Variants in DLGAP2 observed in about 807,000 individuals in gnomAD.
The protein encoded by DLGAP2 is disks large-associated protein 2.
In DLGAP2, 26 loss-of-function variants were observed where a neutral mutation model predicts 100.3. The ratio of observed to expected loss-of-function variants is 0.26; its 90% confidence interval spans 0.19 to 0.36. The LOEUF is 0.36. Among genes scored for constraint, DLGAP2 ranks in the 10% least tolerant of loss-of-function variants. DLGAP2 has a pLI of 1.00. For missense variants in DLGAP2, 1,858 were observed against 1,453.2 expected, an observed-to-expected ratio of 1.28 and a Z score of -4.53; for synonymous variants, 886 against 630.1, an observed-to-expected ratio of 1.41 and a Z score of -6.08.
chr8:1,121,253 G>C (rs185083393), intron 2 of DLGAP2, among the ~76,000 whole-genome samples: 1 of 133,128 alleles, frequency 7.5e-6, no homozygotes, highest in South Asian at 2.5e-4. Flanking sequence ...ACCCATCCTC[G>C]TCCCTTCAGA....
At chr8:1,087,116 A>T (rs559570213) in intron 2 of DLGAP2, among the ~76,000 whole-genome samples, 1 of 152,366 alleles carries the variant, frequency 6.6e-6, no homozygotes, top group South Asian at 2.1e-4. Flanking sequence ...GAAAATTCAT[A>T]AATAGATAAA....
At chr8:1,292,692 G>A (rs1452958698) in intron 3 of DLGAP2, among the ~76,000 whole-genome samples, 4 of 152,118 alleles carry the variant, frequency 2.6e-5, no homozygotes, top group East Asian at 1.9e-4. Context: ...GAGAAAGGTC[G>A]CGTGGATGGG....
chr8:1,696,972 G>A (rs965481656), intron 13 of DLGAP2, among the ~76,000 whole-genome samples, 175 bp from the exon 14 acceptor site: 2 of 152,270 alleles, frequency 1.3e-5, no homozygotes, highest in African/African-American at 4.8e-5. Context: ...AAATACGTGT[G>A]CTAAAGTAAA....
At chr8:813,529 T>G (rs769628735) in intron 1 of DLGAP2, among the ~76,000 whole-genome samples, 4 of 152,170 alleles carry the variant, frequency 2.6e-5, no homozygotes, top group Non-Finnish European at 4.4e-5. Context: ...GTCTTAGATT[T>G]CTTCAAACCT....
chr8:869,553 C>T (rs1296803581), intron 1 of DLGAP2, among the ~76,000 whole-genome samples: 1 of 152,180 alleles, frequency 6.6e-6, no homozygotes, highest in South Asian at 2.1e-4. Flanking sequence ...TTTAAAAGCT[C>T]TCAAACATGG....
chr8:1,073,917 G>C (rs921416150), intron 2 of DLGAP2, among the ~76,000 whole-genome samples: 7 of 152,338 alleles, frequency 4.6e-5, no homozygotes, highest in Admixed American at 2.0e-4. Context: ...TGCGTATTCA[G>C]GATTCACTGT....
At chr8:1,620,951 C>G (rs1461644123) in intron 6 of DLGAP2, among the ~76,000 whole-genome samples, 1 of 152,244 alleles carries the variant, frequency 6.6e-6, no homozygotes, top group Admixed American at 6.5e-5. Context: ...TTACCCTCTG[C>G]TCTCCAGACA....
chr8:1,244,989 A>G (rs1483894932), intron 2 of DLGAP2, among the ~76,000 whole-genome samples: 1 of 152,236 alleles, frequency 6.6e-6, no homozygotes, highest in African/African-American at 2.4e-5. Context: ...GAAGGTGTGG[A>G]AAGACACTGG....
intron 2 of DLGAP2, among the ~76,000 whole-genome samples, chr8:973,682 A>T (rs997818907): frequency 5.9e-5 from 9 of 152,236 alleles, no homozygotes; most frequent in African/African-American, 2.2e-4. Context: ...TCTCAGTTCC[A>T]GCTCCTTTCT....
intron 2 of DLGAP2, among the ~76,000 whole-genome samples, chr8:944,491 G>A (rs1366229880): frequency 6.6e-6 from 1 of 151,874 alleles, no homozygotes; most frequent in Admixed American, 6.6e-5. Context: ...GTCCCTGTGG[G>A]TGATCCATTG....
At chr8:1,183,613 C>G (rs7841138) in intron 2 of DLGAP2, among the ~76,000 whole-genome samples, 1 of 152,026 alleles carries the variant, frequency 6.6e-6, no homozygotes, top group Non-Finnish European at 1.5e-5. Context: ...CGGAGGTTTG[C>G]GAGGGAGGCA....
chr8:1,519,928 A>G (rs892067540), intron 4 of DLGAP2, among the ~76,000 whole-genome samples: 9 of 152,216 alleles, frequency 5.9e-5, no homozygotes, highest in East Asian at 1.9e-4. Flanking sequence ...GTTTGGGTCT[A>G]TCCTCCCACA....
chr8:761,411 G>A (rs1821079483), intron 1 of DLGAP2, among the ~76,000 whole-genome samples: 1 of 152,186 alleles, frequency 6.6e-6, no homozygotes, highest in South Asian at 2.1e-4. Flanking sequence ...ACGGATTTTG[G>A]CTTGAAATGT....
intron 2 of DLGAP2, among the ~76,000 whole-genome samples, chr8:1,192,418 A>G (rs975773040): frequency 6.6e-6 from 1 of 152,222 alleles, no homozygotes; most frequent in Non-Finnish European, 1.5e-5. Flanking sequence ...CGGTGAGAAC[A>G]ATGAAATCCA....
chr8:1,262,219 C>G (rs1799365629), intron 3 of DLGAP2, among the ~76,000 whole-genome samples: 2 of 152,150 alleles, frequency 1.3e-5, no homozygotes, highest in East Asian at 3.8e-4. Context: ...GTTGGGGAAT[C>G]TCTACGATGG....
At chr8:1,433,243 G>C (rs1286900145) in intron 3 of DLGAP2, among the ~76,000 whole-genome samples, 1 of 152,190 alleles carries the variant, frequency 6.6e-6, no homozygotes, top group African/African-American at 2.4e-5. Context: ...GATGCTTCCT[G>C]TGCCTCTGGC....
intron 3 of DLGAP2, among the ~76,000 whole-genome samples, chr8:1,374,972 C>G (rs761744526): frequency 6.6e-6 from 1 of 151,540 alleles, no homozygotes; most frequent in African/African-American, 2.4e-5. Flanking sequence ...GATCTCAAGC[C>G]CAATACCACA....
intron 3 of DLGAP2, among the ~76,000 whole-genome samples, chr8:1,337,628 C>T (rs1171344886): frequency 8.4e-6 from 1 of 119,690 alleles, no homozygotes; most frequent in Non-Finnish European, 1.8e-5. Flanking sequence ...ATTCATCCCC[C>T]CAAAAAATGG....
intron 3 of DLGAP2, among the ~76,000 whole-genome samples, chr8:1,417,731 A>AGC (rs1796970625): frequency 1.2e-3 from 15 of 12,750 alleles, no homozygotes; most frequent in Non-Finnish European, 1.8e-3. Context: ...CTCCAGACAC[A>AGC]GAAGCCCACG....
Sources: allele counts gnomAD v4.1 joint callset (sites outside exome capture counted in the v4.1 genomes callset), GRCh38; gene constraint gnomAD v4.1.1; transcripts MANE v1.5; gene names NCBI Gene and HGNC (gene_info 2026-07-23, HGNC 2026-07-21).